The following KIF26B variants were observed in gnomAD, a reference collection of about 807,000 sequenced individuals.
KIF26B encodes kinesin-like protein KIF26B.
Under a neutral mutation model 151.2 loss-of-function variants are expected in KIF26B, and 63 were observed. That is an observed-to-expected ratio of 0.42 (90% confidence interval 0.34 to 0.51). The LOEUF (loss-of-function observed/expected upper bound fraction) is 0.51, where lower values mean the gene tolerates loss of function less well. Among genes scored for constraint, KIF26B ranks in the 20% least tolerant of loss-of-function variants. KIF26B has a pLI of 0.07. For missense variants in KIF26B, 2,813 were observed against 2,913.6 expected (o/e 0.97, Z 0.79); for synonymous variants, 1,357 against 1,262.1 (o/e 1.08, Z -1.59).
At chr1:245,223,891 T>TACAGAAAAAGGAGTCAG (rs1553336342) in intron 2 of KIF26B, among the ~76,000 whole-genome samples, 2 of 152,186 alleles carry the variant, frequency 1.3e-5, no homozygotes, top group Admixed American at 6.5e-5. Context: ...ACCACCAACT[T>TACAGAAAAAGGAGTCAG]ACAGAAAAAG....
Position 245,339,293 on chromosome 1 carries a change from G to A in KIF26B, c.466-27541G>A, listed in dbSNP as rs561925204. Among the ~76,000 whole-genome samples the A allele has an allele frequency of 5.9e-5, 9 of 152,282 alleles. No homozygotes were observed. The South Asian group carries it at 1.9e-3, about 32-fold the overall frequency. The stretch of plus-strand genomic sequence containing the variant: ...GCACCCGGCCTTTTAGGCTATTCTT[G>A]TGGCCTTTGTCACTGACTTAATGGA... On this transcript the variant is annotated intron_variant, in intron 2 of 14. Coordinates refer to ENST00000407071, the MANE Select transcript of KIF26B (RefSeq NM_018012.4).
intron 4 of KIF26B, among the ~76,000 whole-genome samples, chr1:245,535,578 C>T (rs61829941): frequency 1.1e-3 from 162 of 152,300 alleles, no homozygotes; most frequent in Non-Finnish European, 2.1e-3. Context: ...TTTCTACCCA[C>T]CATTTGGATA....
At position 245,495,053 on chromosome 1, in the gene KIF26B, TAAAGA is replaced by T. The variant is rs1232594937; in HGVS notation, c.1167-45701_1167-45697del. 7.3e-5 allele frequency among the ~76,000 whole-genome samples: 11 copies of T among 150,488 alleles called. No individual in the cohort carries two copies. The highest frequency in any genetic ancestry group is 1.0e-4 in the Non-Finnish European group (7 of 67,658). ...AAAAGAGAAAAGAAAAGAAAAGAAA[TAAAGA>T]AAAGAAAAGAAAGAGGAAATTCTGG... On this transcript the variant is annotated intron_variant, in intron 4 of 14. Transcript: ENST00000407071. This position sits in a 1 kb window ranked among gnomAD's most constrained non-coding sequence, Gnocchi z 4.2.
At chr1:245,315,841 G>A (rs1345425580) in intron 2 of KIF26B, among the ~76,000 whole-genome samples, 7 of 152,130 alleles carry the variant, frequency 4.6e-5, no homozygotes, top group East Asian at 3.8e-4. Flanking sequence ...GCAGTAAGCC[G>A]TGATGGTGCC....
At chr1:245,245,139 G>A (rs560675683) in intron 2 of KIF26B, among the ~76,000 whole-genome samples, 218 of 152,254 alleles carry the variant, frequency 1.4e-3, no homozygotes, top group Non-Finnish European at 2.5e-3. Flanking sequence ...TTTAGCAGAC[G>A]GGATCTGAAT....
intron 2 of KIF26B, among the ~76,000 whole-genome samples, chr1:245,246,946 GAC>G (rs55885165): frequency 0.083 from 12,005 of 143,830 alleles, 604 homozygotes; most frequent in Middle Eastern, 0.14. Context: ...CACAGATACA[GAC>G]ACACACACAC....
At chr1:245,694,370 CTT>C in intron 12 of KIF26B, among the ~76,000 whole-genome samples, 1 of 152,222 alleles carries the variant, frequency 6.6e-6, no homozygotes, top group Non-Finnish European at 1.5e-5. Context: ...AGTGCCTACT[CTT>C]TGAATCAGAA....
At position 245,686,152 on chromosome 1, in the gene KIF26B, G is replaced by A. The variant is rs1401333209; in HGVS notation, c.3169G>A (p.Glu1057Lys). ...GAGCCTCAACTCCTGCGGCTTCGTG[G>A]AAGGCAAGCCCAGGCCCATGGGCTC... The part of the protein sequence containing the change: ...RESLNSCGFV[E>K]GKPRPMGSPR... Residue 1057 changes from glutamate to lysine, a missense_variant, in exon 12 of 15, where the codon GAA becomes AAA. By Grantham distance (56) the Glu-to-Lys change is moderately conservative. Transcript: ENST00000407071. The surrounding 1 kb of genome is among the most constrained non-coding windows in gnomAD (Gnocchi z 5.6). 3 of 1,612,318 alleles carry A rather than the reference G, an allele frequency of 1.9e-6. No homozygotes were observed. The highest frequency in any genetic ancestry group is 2.5e-6 in the Non-Finnish European group (3 of 1,179,808).
Position 245,358,388 on chromosome 1 carries a change from T to C in KIF26B, c.466-8446T>C, listed in dbSNP as rs1350496439. 2.6e-5 allele frequency among the ~76,000 whole-genome samples: 4 copies of C among 152,122 alleles called. No individual in the cohort carries two copies. Among genetic ancestry groups the C allele is most frequent in the East Asian group, 1.9e-4 (1 of 5,160 alleles). On this transcript the variant is annotated intron_variant, in intron 2 of 14. Coordinates refer to ENST00000407071, the MANE Select transcript of KIF26B (RefSeq NM_018012.4). The surrounding 1 kb of genome is among the most constrained non-coding windows in gnomAD (Gnocchi z 4.1). ...ACAAAATATTAGCCAGGCGTGGTGA[T>C]GGGTGCCTGTAGTCCCAGCTACTCG...
At chr1:245,355,732 G>C (rs1254075191) in intron 2 of KIF26B, among the ~76,000 whole-genome samples, 1 of 152,164 alleles carries the variant, frequency 6.6e-6, no homozygotes, top group Non-Finnish European at 1.5e-5. Context: ...ATGTCTCCGG[G>C]GCTATTTATC....
intron 4 of KIF26B, among the ~76,000 whole-genome samples, chr1:245,473,604 C>T (rs180835114): frequency 1.3e-5 from 2 of 151,856 alleles, no homozygotes; most frequent in Admixed American, 6.6e-5. Context: ...GAAACGAAAG[C>T]AAGCAAAAGA....
At chr1:245,546,114 T>A (rs897856502) in intron 5 of KIF26B, among the ~76,000 whole-genome samples, 2 of 152,268 alleles carry the variant, frequency 1.3e-5, no homozygotes, top group Admixed American at 1.3e-4. Context: ...AGACAAGATT[T>A]CTGTTCAGTT....
chr1:245,670,228 G>T (rs569611019), intron 10 of KIF26B, among the ~76,000 whole-genome samples: 1 of 136,978 alleles, frequency 7.3e-6, no homozygotes, highest in Non-Finnish European at 1.5e-5. Flanking sequence ...ATATTCCATC[G>T]TATGCGTGTG....
intron 3 of KIF26B, among the ~76,000 whole-genome samples, chr1:245,401,235 C>A (rs1303512595): frequency 1.3e-5 from 2 of 152,182 alleles, no homozygotes; most frequent in African/African-American, 2.4e-5. Context: ...TGAAAATTAT[C>A]CAGAAACTTC....
At chr1:245,654,592 C>T (rs1452317617) in intron 10 of KIF26B, among the ~76,000 whole-genome samples, 2 of 152,138 alleles carry the variant, frequency 1.3e-5, no homozygotes, top group African/African-American at 2.4e-5. Flanking sequence ...CTTCCCACGC[C>T]GCACTGATGG....
chr1:245,438,684 T>A (rs1460157121), intron 4 of KIF26B, among the ~76,000 whole-genome samples: 1 of 152,030 alleles, frequency 6.6e-6, no homozygotes, highest in African/African-American at 2.4e-5. Context: ...AAAAAAAACA[T>A]GGATGTCCAT....
At chr1:245,317,102 C>T (rs1671794609) in intron 2 of KIF26B, among the ~76,000 whole-genome samples, 1 of 152,192 alleles carries the variant, frequency 6.6e-6, no homozygotes, top group Non-Finnish European at 1.5e-5. Context: ...TACTGTTCAA[C>T]AAGAGGAAAA....
chr1:245,314,025 T>C (rs1172206611), intron 2 of KIF26B, among the ~76,000 whole-genome samples: 2 of 152,146 alleles, frequency 1.3e-5, no homozygotes, highest in Non-Finnish European at 2.9e-5. Flanking sequence ...CGCTTTGAGG[T>C]ATTTCCTCCT....
chr1:245,268,988 G>A (rs1183087504), intron 2 of KIF26B, among the ~76,000 whole-genome samples: 1 of 152,152 alleles, frequency 6.6e-6, no homozygotes, highest in Admixed American at 6.5e-5. Context: ...ACCAAAAAAG[G>A]TGTGTCCACC....
Sources: gnomAD v4.1 joint callset for allele counts (sites outside exome capture counted in the v4.1 genomes callset) on GRCh38, gnomAD v4.1.1 for gene constraint, Gnocchi (gnomAD v3.1) non-coding constraint, MANE v1.5 for transcripts, NCBI Gene and HGNC (gene_info 2026-07-23, HGNC 2026-07-21) for gene names.